PHACTR3: variants seen among roughly 807,000 people sequenced by gnomAD.
PHACTR3 encodes protein phosphatase 1, regulatory subunit 123.
PHACTR3 carries 16 observed loss-of-function variants against 66.8 expected under a neutral mutation model. The observed-to-expected ratio is 0.24, with a 90% CI of 0.16 to 0.36. The LOEUF (loss-of-function observed/expected upper bound fraction) is 0.36. Among genes scored for constraint, PHACTR3 ranks in the 10% least tolerant of loss-of-function variants. PHACTR3 has a pLI of 1.00. For missense variants in PHACTR3, 647 were observed against 719.9 expected (o/e 0.90, Z 1.16); for synonymous variants, 323 against 292.1 (o/e 1.11, Z -1.08).
At chr20:59,702,974 A>G (rs954438988) in intron 1 of PHACTR3, among the ~76,000 whole-genome samples, 2 of 152,108 alleles carry the variant, frequency 1.3e-5, no homozygotes, top group African/African-American at 2.4e-5. Flanking sequence ...ATTCTAAACA[A>G]GCGTGTTGTT....
At chr20:59,810,670 C>T (rs2041710220) in intron 8 of PHACTR3, among the ~76,000 whole-genome samples, 1 of 152,168 alleles carries the variant, frequency 6.6e-6, no homozygotes, top group Admixed American at 6.5e-5. Context: ...TGTTCCTGGG[C>T]CTTTTCCTGG....
In PHACTR3 at chr20:59,830,699, ACCT is replaced by A. The variant is rs1243322544; in HGVS notation, c.1329-5799_1329-5797del. ...AATGATGCCACCTATTTGTGTGTCA[ACCT>A]CCTCCTGTATTTAGTGTTCTCGACT... On this transcript the variant is annotated intron_variant, in intron 8 of 12. Transcript: ENST00000371015. The surrounding 1 kb of genome is among the most constrained non-coding windows in gnomAD (Gnocchi z 5.8). Among the ~76,000 whole-genome samples the A allele has an allele frequency of 6.6e-6, 1 of 151,930 alleles. No individual in the cohort carries two copies. The highest frequency in any genetic ancestry group is 1.5e-5 in the Non-Finnish European group (1 of 67,974).
intron 1 of PHACTR3, among the ~76,000 whole-genome samples, chr20:59,687,037 A>ATTG (rs2036920981): frequency 7.2e-6 from 1 of 138,514 alleles, no homozygotes; most frequent in South Asian, 2.3e-4. Flanking sequence ...GATGGTGGTG[A>ATTG]TGATGATGGT....
At chr20:59,720,768 G>A (rs1011477026) in intron 1 of PHACTR3, among the ~76,000 whole-genome samples, 5 of 152,302 alleles carry the variant, frequency 3.3e-5, no homozygotes, top group East Asian at 1.9e-4. Context: ...CCCAGTCCTC[G>A]CAGATTCCAG....
chr20:59,801,954 G>A (rs2041426035), intron 7 of PHACTR3, among the ~76,000 whole-genome samples: 1 of 152,212 alleles, frequency 6.6e-6, no homozygotes, highest in African/African-American at 2.4e-5. Context: ...TGCCAGGTAT[G>A]GAATAGGTCC....
At chr20:59,606,440 G>A (rs1416856828) in intron 1 of PHACTR3, among the ~76,000 whole-genome samples, 1 of 152,178 alleles carries the variant, frequency 6.6e-6, no homozygotes, top group East Asian at 1.9e-4. Flanking sequence ...CTTTATCTGG[G>A]AGGGCAGGTT....
intron 8 of PHACTR3, chr20:59,835,915 G>A (rs965416825): frequency 5.9e-5 from 9 of 152,306 alleles, no homozygotes; most frequent in African/African-American, 1.9e-4. Context: ...CTGACAAGAG[G>A]CGGGAGGCCC....
chr20:59,704,226 A>G (rs1240248217), intron 1 of PHACTR3, among the ~76,000 whole-genome samples: 2 of 152,118 alleles, frequency 1.3e-5, no homozygotes, highest in Admixed American at 6.5e-5. Context: ...TCTTGTAATG[A>G]TGCATTTTTG....
intron 1 of PHACTR3, among the ~76,000 whole-genome samples, chr20:59,635,194 C>CTTTCTTTCTTTCTTTCTTTCTTTCTT (rs33980731): frequency 9.1e-5 from 5 of 54,978 alleles, no homozygotes; most frequent in African/African-American, 1.4e-4. Flanking sequence ...TTCTTTCTTT[C>CTTTCTTTCTTTCTTTCTTTCTTTCTT]TCTTTCTTTC....
Position 59,651,567 on chromosome 20 carries a change from T to A in PHACTR3, c.118+46435T>A, listed in dbSNP as rs546776541. ...ACTTCTAGGAATCTATCCCAAAATA[T>A]CTTGGCAAATGGTAAAATAGCACAC... On this transcript the variant is annotated intron_variant, in intron 1 of 12. Coordinates refer to ENST00000371015, the MANE Select transcript of PHACTR3 (RefSeq NM_080672.5). 2.6e-5 allele frequency among the ~76,000 whole-genome samples: 4 copies of A among 152,316 alleles called. No individual in the cohort carries two copies. In the East Asian group the frequency reaches 7.7e-4, roughly 29 times the overall value.
At chr20:59,824,711 A>T (rs1384938127) in intron 8 of PHACTR3, among the ~76,000 whole-genome samples, 1 of 152,170 alleles carries the variant, frequency 6.6e-6, no homozygotes, top group Non-Finnish European at 1.5e-5. Context: ...TAGAGAATAT[A>T]TGCATCTGTC....
intron 1 of PHACTR3, among the ~76,000 whole-genome samples, chr20:59,583,371 A>C (rs540600799): frequency 6.6e-6 from 1 of 152,252 alleles, no homozygotes; most frequent in South Asian, 2.1e-4. Flanking sequence ...TGGCTTCCAA[A>C]CCAAAACTCA....
chr20:59,732,073 A>G (rs1249255280), intron 1 of PHACTR3, among the ~76,000 whole-genome samples: 5 of 152,148 alleles, frequency 3.3e-5, no homozygotes, highest in Admixed American at 1.3e-4. Context: ...ACTGAATACG[A>G]TTTCTTCCTG....
At chr20:59,783,783 G>A (rs1284774762) in intron 7 of PHACTR3, among the ~76,000 whole-genome samples, 1 of 152,244 alleles carries the variant, frequency 6.6e-6, no homozygotes, top group African/African-American at 2.4e-5. Flanking sequence ...CAAGGGGGAG[G>A]CAGGAGCCCC....
chr20:59,612,665 T>A (rs955965950), intron 1 of PHACTR3, among the ~76,000 whole-genome samples: 2 of 152,204 alleles, frequency 1.3e-5, no homozygotes, highest in African/African-American at 4.8e-5. Context: ...ATTACAGGCG[T>A]AAGCCACCGC....
At chr20:59,585,161 C>T (rs556479680) in intron 1 of PHACTR3, among the ~76,000 whole-genome samples, 6 of 152,242 alleles carry the variant, frequency 3.9e-5, no homozygotes, top group South Asian at 2.1e-4. Flanking sequence ...GTTCTGTCAC[C>T]GCTTATGATC....
intron 1 of PHACTR3, among the ~76,000 whole-genome samples, chr20:59,610,850 G>A (rs1236516831): frequency 6.6e-6 from 1 of 152,238 alleles, no homozygotes; most frequent in Non-Finnish European, 1.5e-5. Flanking sequence ...GACTGGTGTG[G>A]TCTTGAGCTC....
chr20:59,767,514 C>A, intron 5 of PHACTR3, 119 bp downstream of exon 5: 2 of 1,164,790 alleles, frequency 1.7e-6, no homozygotes, highest in Non-Finnish European at 2.4e-6. Context: ...ACTCATCCAT[C>A]CATCCATACC....
rs1179021916 is a variant in PHACTR3, at chr20:59,755,247, C to T, written c.424C>T (p.Pro142Ser). The T allele has an allele frequency of 2.5e-6, 4 of 1,613,998 alleles. No individual in the cohort carries two copies. In the East Asian group the frequency reaches 8.9e-5, roughly 36 times the overall value. ...PRSVQSEPPT[P>S]KSETLTSEDA... is the part of the protein sequence containing the mutation. ...ATCTGTACAGAGTGAACCACCCACTCCCAAGTCGGAGACGCTGACTTCAGA... is the reference window on the plus strand; with the variant it reads ...ATCTGTACAGAGTGAACCACCCACTTCCAAGTCGGAGACGCTGACTTCAGA... Residue 142 changes from proline (P) to serine (S), a missense_variant, in exon 4 of 13, where the codon CCC (proline) becomes TCC (serine). By Grantham distance (74) the Pro-to-Ser change is moderately conservative. Coordinates refer to ENST00000371015, the MANE Select transcript of PHACTR3 (RefSeq NM_080672.5).
Sources: allele counts gnomAD v4.1 joint callset (sites outside exome capture counted in the v4.1 genomes callset), GRCh38; gene constraint gnomAD v4.1.1; non-coding constraint Gnocchi (gnomAD v3.1); transcripts MANE v1.5; gene names NCBI Gene and HGNC (gene_info 2026-07-23, HGNC 2026-07-21).